ZNF519: variants seen among roughly 807,000 people sequenced by gnomAD.
ZNF519 encodes zinc finger protein 519.
ZNF519 carries 7 observed loss-of-function variants against 7.4 expected under a neutral mutation model. That is an observed-to-expected ratio of 0.94 (90% CI 0.54 to 1.77). The LOEUF (loss-of-function observed/expected upper bound fraction) is 1.77, where lower values mean the gene tolerates loss of function less well. ZNF519 is among the 40% of genes most tolerant of loss of function. The probability of loss-of-function intolerance (pLI) is 0.00; values close to 1 mark genes in which losing one functional copy is unlikely to be tolerated. For missense variants in ZNF519, 586 were observed against 623.1 expected, an observed-to-expected ratio of 0.94 and a Z score of 0.63; for synonymous variants, 179 against 203.3, an observed-to-expected ratio of 0.88 and a Z score of 1.02.
intron 2 of ZNF519, chr18:14,122,478 T>C (rs2046274064): frequency 6.6e-6 from 1 of 152,026 alleles, no homozygotes. Flanking sequence ...TACTTTAACA[T>C]AGAACTCCTC....
Position 14,106,420 on chromosome 18 carries a change from T to C in ZNF519, c.131-11A>G, listed in dbSNP as rs373243156. 30 of 1,547,576 alleles carry C rather than the reference T, an allele frequency of 1.9e-5. No homozygotes were observed. Among genetic ancestry groups the C allele is most frequent in the Admixed American group, 1.9e-4 (9 of 46,752 alleles). Reference sequence around the variant, plus strand: ...AATAAGAATACACAGCTGAAAGAAGTAAAAATAACTAATTATTCTACATAC... The same window carrying C: ...AATAAGAATACACAGCTGAAAGAAGCAAAAATAACTAATTATTCTACATAC... On this transcript the variant is annotated splice_polypyrimidine_tract_variant and intron_variant, in intron 2 of 2. Transcript: ENST00000590202.
downstream of ZNF519, chr18:14,071,682 TA>T (rs2046028964): frequency 2.0e-5 from 3 of 152,002 alleles, no homozygotes; most frequent in Non-Finnish European, 4.4e-5. Context: ...AACGCAGGTA[TA>T]ATTACAAGAG....
chr18:14,093,637 A>G (rs2046122969), intron 2 of ZNF519, among the ~76,000 whole-genome samples: 1 of 152,256 alleles, frequency 6.6e-6, no homozygotes, highest in Admixed American at 6.5e-5. Context: ...GAGTATGTTC[A>G]GAGTGGCTCC....
downstream of ZNF519, chr18:14,072,295 C>T (rs552880043): frequency 3.7e-4 from 56 of 152,238 alleles, no homozygotes; most frequent in African/African-American, 1.3e-3. Flanking sequence ...AAGATATTAT[C>T]GTTGCCTGTG....
intron 2 of ZNF519, among the ~76,000 whole-genome samples, chr18:14,086,420 C>T (rs2143088669): frequency 6.6e-6 from 1 of 152,332 alleles, no homozygotes; most frequent in East Asian, 1.9e-4. Flanking sequence ...GCCTCAGTGG[C>T]TTTGGGCATG....
At chr18:14,092,038 C>A (rs959376534) in intron 2 of ZNF519, among the ~76,000 whole-genome samples, 1 of 152,088 alleles carries the variant, frequency 6.6e-6, no homozygotes, top group Non-Finnish European at 1.5e-5. Flanking sequence ...AGGTCAGGAG[C>A]TGCTGTGTGT....
At chr18:14,124,816 G>A (rs1294744556) in intron 1 of ZNF519, among the ~76,000 whole-genome samples, 2 of 151,968 alleles carry the variant, frequency 1.3e-5, no homozygotes, top group Non-Finnish European at 2.9e-5. Context: ...AGAATCATGC[G>A]AGGAACTTAA....
Position 14,105,579 on chromosome 18 carries a change from T to C in ZNF519, c.961A>G (p.Lys321Glu), listed in dbSNP as rs1349075393. 2.5e-6 allele frequency: 4 copies of C among 1,614,154 alleles called. No individual in the cohort carries two copies. Among genetic ancestry groups the C allele is most frequent in the Admixed American group, 1.7e-5 (1 of 60,022 alleles). Reference protein sequence around the residue: ...QRIHTGEKPFKCKECGKAFNR... With the variant: ...QRIHTGEKPFECKECGKAFNR... The stretch of plus-strand genomic sequence containing the variant: ...AAAGCTTTGCCACATTCCTTACACT[T>C]GAAAGGCTTCTCTCCAGTATGGATT... The change falls in exon 3 of 3, where the codon AAG (lysine) becomes GAG (glutamate). Residue 321 changes from lysine (K) to glutamate (E), a missense_variant. By Grantham distance (56) the Lys-to-Glu change is moderately conservative (BLOSUM62 1). Coordinates refer to ENST00000590202, the MANE Select transcript of ZNF519 (RefSeq NM_145287.4).
At chr18:14,131,611 AG>A (rs1250481241) in intron 1 of ZNF519, among the ~76,000 whole-genome samples, 1 of 152,348 alleles carries the variant, frequency 6.6e-6, no homozygotes, top group East Asian at 1.9e-4. Flanking sequence ...ATGTAAAAAA[AG>A]AAATCTAACT....
chr18:14,106,497 G>A lies in ZNF519; in HGVS notation c.131-88C>T, dbSNP rs1736057775. Reference sequence around the variant, plus strand: ...ATCTAATATGAAATTTTGCCAAGCTGAGAACATCAGCACAATGCCATAGTA... The same window carrying A: ...ATCTAATATGAAATTTTGCCAAGCTAAGAACATCAGCACAATGCCATAGTA... On this transcript the variant is annotated intron_variant, in intron 2 of 2. Coordinates refer to ENST00000590202, the MANE Select transcript of ZNF519 (RefSeq NM_145287.4). The A allele has an allele frequency of 2.6e-6, 3 of 1,169,006 alleles. No individual in the cohort carries two copies. The South Asian group carries it at 5.7e-5, about 22-fold the overall frequency. The allele number at this position is 1,169,006 out of a possible 1,614,324, so 72.4% of individuals were successfully genotyped here.
At chr18:14,086,321 ACT>A (rs1321748707) in intron 2 of ZNF519, among the ~76,000 whole-genome samples, 2 of 151,574 alleles carry the variant, frequency 1.3e-5, no homozygotes, top group Non-Finnish European at 2.9e-5. Context: ...ATCACCACTG[ACT>A]CTCTGCAGCA....
chr18:14,098,859 T>G (rs1327238313), downstream of ZNF519, among the ~76,000 whole-genome samples: 1 of 152,214 alleles, frequency 6.6e-6, no homozygotes, highest in Non-Finnish European at 1.5e-5. Context: ...TATGTGCATC[T>G]GAAATCTTTA....
downstream of ZNF519, chr18:14,074,964 C>T (rs2046041981): frequency 6.6e-6 from 1 of 152,168 alleles, no homozygotes. Context: ...GTTTAACAAA[C>T]TTTCAGTTCC....
chr18:14,074,800 CCAA>C (rs2046041382), downstream of ZNF519: 1 of 152,318 alleles, frequency 6.6e-6, no homozygotes, highest in Non-Finnish European at 1.5e-5. Context: ...CTCAAGTATT[CCAA>C]CCTTTCCCTG....
rs1276975443 is a variant in ZNF519, at chr18:14,105,413, A to G, written c.1127T>C (p.Phe376Ser). Residue 376 changes from phenylalanine to serine, a missense_variant, in exon 3 of 3, where the codon TTC becomes TCC. Coordinates refer to ENST00000590202, the MANE Select transcript of ZNF519 (RefSeq NM_145287.4). The part of the protein sequence containing the change: ...HQRIHTGEKP[F>S]RCKECGKAFN... The stretch of plus-strand genomic sequence containing the variant: ...GGCTTTGCCACATTCCTTACATCTG[A>G]AAGGTTTCTCTCCGGTATGGATTCT... 6.2e-7 allele frequency: 1 copy of G among 1,612,784 alleles called. No homozygotes were observed. Among genetic ancestry groups the G allele is most frequent in the South Asian group, 1.1e-5 (1 of 91,004 alleles).
intron 2 of ZNF519, chr18:14,122,033 C>T (rs2046271847): frequency 6.6e-6 from 1 of 152,080 alleles, no homozygotes. Context: ...ACTGCATGAA[C>T]CTTTTTTCTT....
chr18:14,109,131 A>T (rs2046209265), intron 2 of ZNF519, among the ~76,000 whole-genome samples: 1 of 150,622 alleles, frequency 6.6e-6, no homozygotes, highest in Admixed American at 6.6e-5. Context: ...AAAAAAAAAA[A>T]AAAATAATAA....
intron 2 of ZNF519, among the ~76,000 whole-genome samples, chr18:14,108,838 C>A (rs1471393496): frequency 6.6e-6 from 1 of 152,102 alleles, no homozygotes; most frequent in Non-Finnish European, 1.5e-5. Flanking sequence ...TGCTTGTAAT[C>A]TCAGCACTTT....
chr18:14,127,943 T>C (rs1259013436), intron 1 of ZNF519, among the ~76,000 whole-genome samples: 1 of 151,478 alleles, frequency 6.6e-6, no homozygotes, highest in African/African-American at 2.4e-5. Flanking sequence ...CATCTAGTAA[T>C]GCTGGACAGT....
Sources: allele counts gnomAD v4.1 joint callset (sites outside exome capture counted in the v4.1 genomes callset), GRCh38; gene constraint gnomAD v4.1.1; transcripts MANE v1.5; gene names NCBI Gene and HGNC (gene_info 2026-07-23, HGNC 2026-07-21).